TXNIP: variants seen among roughly 807,000 people sequenced by gnomAD.
The protein encoded by TXNIP is thioredoxin interacting protein.
Under a neutral mutation model 43.9 loss-of-function variants are expected in TXNIP, and 23 were observed. The ratio of observed to expected loss-of-function variants is 0.52; its 90% CI spans 0.38 to 0.74. The LOEUF (loss-of-function observed/expected upper bound fraction) is 0.74. TXNIP is among the 30% of genes least tolerant of loss of function. TXNIP has a pLI of 0.00. For missense variants in TXNIP, 555 were observed against 485.4 expected, an observed-to-expected ratio of 1.14 and a Z score of -1.35; for synonymous variants, 234 against 172.2, an observed-to-expected ratio of 1.36 and a Z score of -2.81.
intron 3 of TXNIP, 53 bp from the exon 4 acceptor site, chr1:145,995,084 A>G: frequency 1.9e-6 from 3 of 1,613,426 alleles, no homozygotes; most frequent in Non-Finnish European, 2.5e-6. Context: ...CTAATGCCCA[A>G]GACGTCTGAT....
chr1:145,995,655 C>A, intron 1 of TXNIP, 179 bp from the exon 2 acceptor site: 1 of 678,962 alleles, frequency 1.5e-6, no homozygotes, highest in Middle Eastern at 2.5e-4. Context: ...TGTATTTTGT[C>A]GGGCAGCAAG....
At chr1:145,995,335 G>A (rs782779252) in intron 2 of TXNIP, 44 bp from the exon 3 acceptor site, 6 of 1,610,870 alleles carry the variant, frequency 3.7e-6, no homozygotes, top group Non-Finnish European at 5.1e-6. Flanking sequence ...TCCAAGAACA[G>A]TAAGTGATCA....
In TXNIP at chr1:145,994,560, A is replaced by G; in HGVS notation, c.815T>C (p.Val272Ala). 1 of 1,614,140 alleles carries G rather than the reference A, an allele frequency of 6.2e-7. No individual in the cohort carries two copies. Among genetic ancestry groups the G allele is most frequent in the Non-Finnish European group, 8.5e-7 (1 of 1,180,018 alleles). The change falls in exon 5 of 8, where the codon GTT (valine) becomes GCT (alanine). Residue 272 changes from valine to alanine, a missense_variant. Physicochemically the swap from Val to Ala is moderately conservative, Grantham distance 64. Transcript: ENST00000582401. Reference protein sequence around the residue: ...PSILGCNILRVEYSLLIYVSV... With the variant: ...PSILGCNILRAEYSLLIYVSV... Reference sequence around the variant, plus strand: ...TCTACCCACCAGTAAGGAATATTCAACTCGAAGGATGTTGCAGCCCAGGAT... The same window carrying G: ...TCTACCCACCAGTAAGGAATATTCAGCTCGAAGGATGTTGCAGCCCAGGAT...
Position 145,996,383 on chromosome 1 carries a change from A to T in TXNIP, c.-117T>A. 8.0e-7 allele frequency: 1 copy of T among 1,256,290 alleles called. No homozygotes were observed. Among genetic ancestry groups the T allele is most frequent in the Non-Finnish European group, 1.1e-6 (1 of 902,954 alleles). 77.8% of individuals were successfully genotyped at this position (1,256,290 alleles called of 1,614,324 possible). On this transcript the variant is annotated 5_prime_UTR_variant, in exon 1 of 8. Transcript: ENST00000582401. Reference sequence around the variant, plus strand: ...CACTTTAAGGAATTAAGGTATTCTTAAGCAGTTTGAGCTTAAAAATAAAAT... The same window carrying T: ...CACTTTAAGGAATTAAGGTATTCTTTAGCAGTTTGAGCTTAAAAATAAAAT...
Position 145,996,386 on chromosome 1 carries a change from C to T in TXNIP, c.-120G>A, listed in dbSNP as rs928396627. The stretch of plus-strand genomic sequence containing the variant: ...TTTAAGGAATTAAGGTATTCTTAAG[C>T]AGTTTGAGCTTAAAAATAAAATAAG... On this transcript the variant is annotated 5_prime_UTR_variant, in exon 1 of 8. Coordinates refer to ENST00000582401, the MANE Select transcript of TXNIP (RefSeq NM_006472.6). 1.2e-5 allele frequency: 14 copies of T among 1,210,650 alleles called. No homozygotes were observed. Among genetic ancestry groups the T allele is most frequent in the Non-Finnish European group, 1.6e-5 (14 of 864,334 alleles). The allele number at this position is 1,210,650 out of a possible 1,614,324, so 75.0% of individuals were successfully genotyped here.
At chr1:145,995,323 T>G in intron 2 of TXNIP, 32 bp from the exon 3 acceptor site, 1 of 1,609,920 alleles carries the variant, frequency 6.2e-7, no homozygotes, top group Non-Finnish European at 8.5e-7. Context: ...TTTAAAACGC[T>G]CTCCAAGAAC....
At position 145,996,338 on chromosome 1, in the gene TXNIP, C is replaced by T. The variant is rs1651533985; in HGVS notation, c.-72G>A. 6.6e-7 allele frequency: 1 copy of T among 1,519,412 alleles called. No individual in the cohort carries two copies. The highest frequency in any genetic ancestry group is 8.9e-7 in the Non-Finnish European group (1 of 1,125,294). The allele number at this position is 1,519,412 out of a possible 1,614,324, so 94.1% of individuals were successfully genotyped here. ...AAAAAAAGCTCCAAATCGAGGAAAC[C>T]CCTTTGCAAAAAATTATTTCACTTT... On this transcript the variant is annotated 5_prime_UTR_variant, in exon 1 of 8. Transcript: ENST00000582401.
chr1:145,993,675 C>T lies in TXNIP; in HGVS notation c.*176G>A, dbSNP rs782730266. 89 of 661,012 alleles carry T rather than the reference C, an allele frequency of 1.3e-4. No homozygotes were observed. Among genetic ancestry groups the T allele is most frequent in the Non-Finnish European group, 2.2e-4 (85 of 393,108 alleles). The allele number at this position is 661,012 out of a possible 1,614,324, so 40.9% of individuals were successfully genotyped here. On this transcript the variant is annotated 3_prime_UTR_variant, in exon 8 of 8. Coordinates refer to ENST00000582401, the MANE Select transcript of TXNIP (RefSeq NM_006472.6). ...CATGGGCGCTGGCTGAGGATGAGTC[C>T]GCATCCTTTAAGGCCCAGGAGATTG...
chr1:145,993,870 A>G lies in TXNIP; in HGVS notation c.1157T>C (p.Leu386Pro). Residue 386 changes from leucine to proline, a missense_variant, in exon 8 of 8, where the codon CTC becomes CCC. Leu to Pro is a moderately conservative substitution (Grantham distance 98). Coordinates refer to ENST00000582401, the MANE Select transcript of TXNIP (RefSeq NM_006472.6). ...PTYTEVDPCI[L>P]NNNVQ is the part of the protein sequence containing the mutation. ...ACATGCTCACTGCACATTGTTGTTG[A>G]GGATGCAGGGATCCACCTAAAGAAA... is the stretch of plus-strand genomic sequence containing the variant. The G allele has an allele frequency of 6.2e-7, 1 of 1,614,222 alleles. No homozygotes were observed. Among genetic ancestry groups the G allele is most frequent in the Non-Finnish European group, 8.5e-7 (1 of 1,180,036 alleles).
intron 1 of TXNIP, 151 bp downstream of exon 1, chr1:145,995,866 T>C (rs1651491472): frequency 2.1e-6 from 2 of 957,954 alleles, no homozygotes; most frequent in South Asian, 1.8e-5. Flanking sequence ...GGGAGGAGAA[T>C]GTCTGCAAAT....
In TXNIP at chr1:145,994,036, G is replaced by T. The variant is rs781962171; in HGVS notation, c.1120C>A (p.Pro374Thr). The T allele has an allele frequency of 6.2e-7, 1 of 1,614,172 alleles. No individual in the cohort carries two copies. Among genetic ancestry groups the T allele is most frequent in the Admixed American group, 1.7e-5 (1 of 60,010 alleles). Residue 374 changes from proline (P) to threonine (T), a missense_variant, in exon 7 of 8, where the codon CCA (proline) becomes ACA (threonine). Pro to Thr is a conservative substitution (Grantham distance 38). Coordinates refer to ENST00000582401, the MANE Select transcript of TXNIP (RefSeq NM_006472.6). ...CTCACCTCAGTATAAGTCGGTGGTG[G>T]CATGAACTTGAACTCAGGGGCATAC... ...FMYAPEFKFM[P>T]PPTYTEVDPC...
chr1:145,995,008 T>C lies in TXNIP; in HGVS notation c.495A>G (p.Glu165=), dbSNP rs1559266584. The C allele has an allele frequency of 1.2e-6, 2 of 1,614,164 alleles. No individual in the cohort carries two copies. The highest frequency in any genetic ancestry group is 1.7e-5 in the Admixed American group (1 of 60,018). The change falls in exon 4 of 8, where the codon GAA becomes GAG. Residue 165 remains glutamate (E), a synonymous_variant. Coordinates refer to ENST00000582401, the MANE Select transcript of TXNIP (RefSeq NM_006472.6). ...GAATGAACATGCAGGAAACTTTCTT[T>C]TCTTTTTTAGCAGACACAGGTGCCT... ...DLMAPVSAKK[E]KKVSCMFIPD... is the part of the protein sequence containing the mutation.
rs1651304734 is a variant in TXNIP at position 145,993,854 on chromosome 1, C to T, written c.1173G>A (p.Gln391=). 12 of 1,614,158 alleles carry T rather than the reference C, an allele frequency of 7.4e-6. No individual in the cohort carries two copies. The highest frequency in any genetic ancestry group is 2.2e-5 in the South Asian group (2 of 91,074). Residue 391 remains glutamine, a synonymous_variant, in exon 8 of 8, where the codon CAG becomes CAA. Transcript: ENST00000582401. ...CTGCTTCTTTTCTTCCACATGCTCACTGCACATTGTTGTTGAGGATGCAGG... is the reference window on the plus strand; with the variant it reads ...CTGCTTCTTTTCTTCCACATGCTCATTGCACATTGTTGTTGAGGATGCAGG... ...VDPCILNNNV[Q]
Position 145,996,345 on chromosome 1 carries a change from CA to C in TXNIP, c.-80del. On this transcript the variant is annotated 5_prime_UTR_variant, in exon 1 of 8. Coordinates refer to ENST00000582401, the MANE Select transcript of TXNIP (RefSeq NM_006472.6). Reference sequence around the variant, plus strand: ...GCTCCAAATCGAGGAAACCCCTTTGCAAAAAATTATTTCACTTTAAGGAATT... The same window carrying C: ...GCTCCAAATCGAGGAAACCCCTTTGCAAAAATTATTTCACTTTAAGGAATT... 6.7e-7 allele frequency: 1 copy of C among 1,492,818 alleles called. No homozygotes were observed. The allele number at this position is 1,492,818 out of a possible 1,614,324, so 92.5% of individuals were successfully genotyped here.
rs1571022057 is a variant in TXNIP, at chr1:145,996,213, T to C, written c.54A>G (p.Glu18=). The C allele has an allele frequency of 1.2e-6, 2 of 1,614,022 alleles. No homozygotes were observed. Among genetic ancestry groups the C allele is most frequent in the Non-Finnish European group, 1.7e-6 (2 of 1,180,002 alleles). The change falls in exon 1 of 8, where the codon GAA becomes GAG. Residue 18 remains glutamate (E), a synonymous_variant. Transcript: ENST00000582401. ...KSFEVVFNDP[E]KVYGSGEKVA... is the part of the protein sequence containing the mutation. ...CCTTCTCGCCACTGCCGTACACCTT[T>C]TCAGGGTCGTTAAAGACCACCTCAA...
chr1:145,995,346 A>G, intron 2 of TXNIP, 55 bp from the exon 3 acceptor site: 2 of 1,610,320 alleles, frequency 1.2e-6, no homozygotes, highest in South Asian at 1.1e-5. Flanking sequence ...TAAGTGATCA[A>G]AGGAGGGCAA....
chr1:145,993,536 C>T lies in TXNIP; in HGVS notation c.*315G>A, dbSNP rs1346661958. 4 of 246,800 alleles carry T rather than the reference C, an allele frequency of 1.6e-5. No individual in the cohort carries two copies. The highest frequency in any genetic ancestry group is 3.2e-5 in the Non-Finnish European group (4 of 126,054). The allele number at this position is 246,800 out of a possible 1,614,324, so 15.3% of individuals were successfully genotyped here. ...GCTTACGCCAGGAGGCCATTTTTAC[C>T]TGACCCGAAACTATCGAAAAGGCCT... On this transcript the variant is annotated 3_prime_UTR_variant, in exon 8 of 8. Coordinates refer to ENST00000582401, the MANE Select transcript of TXNIP (RefSeq NM_006472.6).
chr1:145,994,393 C>A lies in TXNIP; in HGVS notation c.876G>T (p.Leu292=), dbSNP rs925085108. 3 of 1,613,984 alleles carry A rather than the reference C, an allele frequency of 1.9e-6. No homozygotes were observed. The African/African-American group carries it at 4.0e-5, about 22-fold the overall frequency. The part of the protein sequence containing the change: ...VPGSKKVILD[L]PLVIGSRSGL... Reference sequence around the variant, plus strand: ...CTGATCTGCTGCCAATTACCAGGGGCAGGTCAAGGATGACCTTCTTGGATC... The same window carrying A: ...CTGATCTGCTGCCAATTACCAGGGGAAGGTCAAGGATGACCTTCTTGGATC... The change falls in exon 6 of 8, where the codon CTG becomes CTT. Residue 292 remains leucine (L), a synonymous_variant. Coordinates refer to ENST00000582401, the MANE Select transcript of TXNIP (RefSeq NM_006472.6).
chr1:145,993,446 T>TATG lies in TXNIP; in HGVS notation c.*404_*405insCAT, dbSNP rs139816793. The stretch of plus-strand genomic sequence containing the variant: ...GTTAAATTGGCTCTTCTCCACATGA[T>TATG]ACGTAAGTTCAAGGTCCAAAGTTCC... On this transcript the variant is annotated 3_prime_UTR_variant, in exon 8 of 8. Transcript: ENST00000582401. 1,734 of 165,402 alleles carry TATG rather than the reference T, an allele frequency of 0.01. 34 individuals carry two copies. The highest frequency in any genetic ancestry group is 0.038 in the African/African-American group (1,568 of 41,766). The allele number at this position is 165,402 out of a possible 1,614,324, so 10.2% of individuals were successfully genotyped here.
Sources: allele counts gnomAD v4.1 joint callset, GRCh38; gene constraint gnomAD v4.1.1; transcripts MANE v1.5; gene names NCBI Gene and HGNC (gene_info 2026-07-23, HGNC 2026-07-21).